DYM: variants seen among roughly 807,000 people sequenced by gnomAD.
The protein encoded by DYM is dymeclin, also known as dyggve-Melchior-Clausen syndrome protein.
DYM carries 78 observed loss-of-function variants against 93.1 expected under a neutral mutation model. That is an observed-to-expected ratio of 0.84 (90% CI 0.70 to 1.01). The LOEUF is 1.01. Ranked by LOEUF, DYM falls within the 50% of genes least tolerant of loss-of-function variation. DYM has a pLI of 0.00. For synonymous variants in DYM, 321 were observed against 319.7 expected, an observed-to-expected ratio of 1.00 and a Z score of -0.04; for missense variants, 789 against 845.0, an observed-to-expected ratio of 0.93 and a Z score of 0.82.
At chr18:49,259,400 G>A (rs1429384748) in intron 11 of DYM, among the ~76,000 whole-genome samples, 2 of 152,336 alleles carry the variant, frequency 1.3e-5, no homozygotes, top group African/African-American at 4.8e-5. Flanking sequence ...TAAATACCGT[G>A]ATGATACATA....
At chr18:49,174,753 C>T (rs1170518600) in intron 14 of DYM, among the ~76,000 whole-genome samples, 1 of 151,900 alleles carries the variant, frequency 6.6e-6, no homozygotes, top group Non-Finnish European at 1.5e-5. Context: ...AGACGTAATC[C>T]CGGAGTTGGC....
chr18:49,428,894 TA>T (rs2074554066), intron 2 of DYM, among the ~76,000 whole-genome samples: 1 of 152,202 alleles, frequency 6.6e-6, no homozygotes, highest in African/African-American at 2.4e-5. Flanking sequence ...AAAAGTGTAT[TA>T]TTTTTCTATT....
chr18:49,221,998 AAAG>A (rs2093379888), intron 13 of DYM, among the ~76,000 whole-genome samples: 2 of 151,348 alleles, frequency 1.3e-5, no homozygotes, highest in Non-Finnish European at 2.9e-5. Context: ...AAAAAAAAAG[AAAG>A]AAAAAAGAAA....
chr18:49,430,148 A>T, intron 2 of DYM, 107 bp downstream of exon 2: 1 of 1,048,734 alleles, frequency 9.5e-7, no homozygotes, highest in Non-Finnish European at 1.5e-6. Context: ...TATGACAGAT[A>T]GACTAGATAG....
chr18:49,203,285 T>C (rs1348769653), intron 14 of DYM, among the ~76,000 whole-genome samples: 1 of 54,328 alleles, frequency 1.8e-5, no homozygotes, highest in Non-Finnish European at 4.7e-5. Flanking sequence ...GAGGGGCGCC[T>C]CTGCCCGGCC....
At chr18:49,199,045 G>C (rs1192576504) in intron 14 of DYM, among the ~76,000 whole-genome samples, 1 of 152,220 alleles carries the variant, frequency 6.6e-6, no homozygotes, top group African/African-American at 2.4e-5. Flanking sequence ...ATACTATGTG[G>C]CCATAAAAAA....
chr18:49,266,386 T>C (rs538731617), intron 11 of DYM, among the ~76,000 whole-genome samples: 3 of 152,266 alleles, frequency 2.0e-5, no homozygotes, highest in South Asian at 2.1e-4. Context: ...GAGGCTGAGA[T>C]AGGCAAATCA....
chr18:49,142,934 C>G (rs1321268618), intron 15 of DYM, among the ~76,000 whole-genome samples: 1 of 152,092 alleles, frequency 6.6e-6, no homozygotes, highest in Non-Finnish European at 1.5e-5. Context: ...TATTCTAAAG[C>G]CCGTAATTAA....
At chr18:49,092,068 C>T (rs1460306292) in intron 17 of DYM, among the ~76,000 whole-genome samples, 1 of 152,142 alleles carries the variant, frequency 6.6e-6, no homozygotes, top group Non-Finnish European at 1.5e-5. Flanking sequence ...TTTTATCAAA[C>T]TTTCATTTCA....
intron 13 of DYM, among the ~76,000 whole-genome samples, chr18:49,253,763 G>T (rs1247436331): frequency 2.0e-5 from 3 of 152,148 alleles, no homozygotes; most frequent in Non-Finnish European, 4.4e-5. Flanking sequence ...GCTCAAACAG[G>T]TGACTCAAGA....
intron 15 of DYM, among the ~76,000 whole-genome samples, chr18:49,158,754 C>T (rs547914384): frequency 2.6e-5 from 4 of 151,768 alleles, no homozygotes; most frequent in African/African-American, 4.8e-5. Flanking sequence ...CCAGAGGCTG[C>T]GAAGGGTAGT....
intron 17 of DYM, among the ~76,000 whole-genome samples, chr18:49,088,478 T>G (rs760277268): frequency 2.7e-5 from 4 of 149,862 alleles, no homozygotes; most frequent in Non-Finnish European, 5.9e-5. Flanking sequence ...AGTTAATGGG[T>G]GCAGCACACC....
chr18:49,402,173 C>G (rs991323218), intron 2 of DYM, among the ~76,000 whole-genome samples: 1 of 152,170 alleles, frequency 6.6e-6, no homozygotes, highest in Admixed American at 6.5e-5. Flanking sequence ...TCATCAACCT[C>G]AACCTCACAC....
intron 15 of DYM, among the ~76,000 whole-genome samples, chr18:49,144,987 C>T (rs1029196912): frequency 2.7e-5 from 4 of 150,300 alleles, no homozygotes; most frequent in African/African-American, 9.8e-5. Flanking sequence ...ATAGTCCCAG[C>T]TACTCGAAAG....
chr18:49,362,392 T>C (rs1050592897), intron 6 of DYM, among the ~76,000 whole-genome samples: 2 of 152,136 alleles, frequency 1.3e-5, no homozygotes, highest in East Asian at 3.9e-4. Context: ...AGGAATTGCA[T>C]TGAGCTGCAG....
At chr18:49,240,088 A>G (rs1483109060) in intron 13 of DYM, among the ~76,000 whole-genome samples, 5 of 152,216 alleles carry the variant, frequency 3.3e-5, no homozygotes, top group Non-Finnish European at 5.9e-5. Context: ...AATATTTATT[A>G]AATGGAAGCA....
chr18:49,049,791 C>G (rs1568340882), intron 17 of DYM: 1 of 154,396 alleles, frequency 6.5e-6, no homozygotes, highest in Middle Eastern at 5.2e-4. Context: ...TCTTACAAGC[C>G]CATTTCTCTT....
intron 13 of DYM, among the ~76,000 whole-genome samples, chr18:49,227,941 A>G (rs2093586326): frequency 6.6e-6 from 1 of 152,116 alleles, no homozygotes; most frequent in Non-Finnish European, 1.5e-5. Flanking sequence ...TGACTCTTCT[A>G]TGAGGCCCTC....
chr18:49,298,651 G>GT (rs990695275), intron 8 of DYM, among the ~76,000 whole-genome samples: 9 of 149,750 alleles, frequency 6.0e-5, no homozygotes, highest in African/African-American at 1.5e-4. Context: ...TCATATGGAA[G>GT]TTTTTTTTAA....
Sources: allele counts gnomAD v4.1 joint callset (sites outside exome capture counted in the v4.1 genomes callset), GRCh38; gene constraint gnomAD v4.1.1; transcripts MANE v1.5; gene names NCBI Gene and HGNC (gene_info 2026-07-23, HGNC 2026-07-21).